The following NDNF variants were observed in gnomAD, a reference collection of about 807,000 sequenced individuals.
NDNF encodes the protein neuron derived neurotrophic factor.
A neutral mutation model predicts 42.0 loss-of-function variants in NDNF; 16 were observed. That is an observed-to-expected ratio of 0.38 (90% CI 0.26 to 0.58). The LOEUF (loss-of-function observed/expected upper bound fraction) is 0.58, where lower values mean the gene tolerates loss of function less well. NDNF is among the 20% of genes least tolerant of loss of function. NDNF has a pLI of 0.67. For missense variants in NDNF, 616 were observed against 666.2 expected, an observed-to-expected ratio of 0.92 and a Z score of 0.83; for synonymous variants, 248 against 251.7, an observed-to-expected ratio of 0.99 and a Z score of 0.14.
rs1579327274 is a variant in NDNF, at chr4:121,072,296, C to A, written c.-305G>T. ...GGGGCTGGGGAATCCCGGGGCAGCG[C>A]CGAGAAGCGGCGGGAGGTCCTTTTA... On this transcript the variant is annotated 5_prime_UTR_variant, in exon 1 of 4. Transcript: ENST00000379692. 1 of 151,800 alleles carries A rather than the reference C, an allele frequency of 6.6e-6. No individual in the cohort carries two copies. Among genetic ancestry groups the A allele is most frequent in the East Asian group, 2.0e-4 (1 of 5,122 alleles). The allele number at this position is 151,800 out of a possible 1,614,324, so 9.4% of individuals were successfully genotyped here.
In NDNF at chr4:121,036,110, A is replaced by G. The variant is rs534350474; in HGVS notation, c.*154T>C. On this transcript the variant is annotated 3_prime_UTR_variant, in exon 4 of 4. Coordinates refer to ENST00000379692, the MANE Select transcript of NDNF (RefSeq NM_024574.4). ...AACAAGTCTCCTTCAAGAGTTACTT[A>G]TATAAACATCAATATACACACGTTG... 1.0e-5 allele frequency: 7 copies of G among 675,800 alleles called. No individual in the cohort carries two copies. The South Asian group carries it at 1.4e-4, about 13-fold the overall frequency. The allele number at this position is 675,800 out of a possible 1,614,324, so 41.9% of individuals were successfully genotyped here. A position where few individuals can be genotyped will look rare whatever the true frequency, so the allele number is the denominator to read the frequency against.
intron 2 of NDNF, among the ~76,000 whole-genome samples, chr4:121,041,471 G>A (rs920597105): frequency 6.6e-6 from 1 of 152,112 alleles, no homozygotes; most frequent in Non-Finnish European, 1.5e-5. Flanking sequence ...TCTAATGTTG[G>A]GAGTGAACCA....
chr4:121,057,990 A>G (rs1727327030), intron 1 of NDNF, among the ~76,000 whole-genome samples: 1 of 152,180 alleles, frequency 6.6e-6, no homozygotes, highest in Non-Finnish European at 1.5e-5. Context: ...TTTGTTTCTT[A>G]TGTTACTTTC....
At chr4:121,067,836 T>G (rs1269626676) in intron 1 of NDNF, among the ~76,000 whole-genome samples, 1 of 152,250 alleles carries the variant, frequency 6.6e-6, no homozygotes, top group Non-Finnish European at 1.5e-5. Flanking sequence ...ATGTGTTTGT[T>G]GGTTTGCAGT....
At position 121,037,618 on chromosome 4, in the gene NDNF, A is replaced by G; in HGVS notation, c.353T>C (p.Ile118Thr). ...EPLEQQKQQI[I>T]NEEGTELFSY... is the part of the protein sequence containing the mutation. ...GAATAACTCAGTGCCTTCCTCATTAATGATCTGCTGCTTCTGCTGCTCAAG... is the reference window on the plus strand; with the variant it reads ...GAATAACTCAGTGCCTTCCTCATTAGTGATCTGCTGCTTCTGCTGCTCAAG... Residue 118 changes from isoleucine (I) to threonine (T), a missense_variant, in exon 4 of 4, where the codon ATT (isoleucine) becomes ACT (threonine). Coordinates refer to ENST00000379692, the MANE Select transcript of NDNF (RefSeq NM_024574.4). The G allele has an allele frequency of 1.9e-6, 3 of 1,600,688 alleles. No individual in the cohort carries two copies. The highest frequency in any genetic ancestry group is 2.5e-6 in the Non-Finnish European group (3 of 1,176,644).
chr4:121,047,803 C>A (rs1037965622), intron 1 of NDNF, among the ~76,000 whole-genome samples: 6 of 152,208 alleles, frequency 3.9e-5, no homozygotes, highest in Non-Finnish European at 8.8e-5. Context: ...ACCAGGCCTT[C>A]TTAAGTTGCC....
intron 1 of NDNF, among the ~76,000 whole-genome samples, chr4:121,048,048 C>T (rs966596977): frequency 1.3e-5 from 2 of 152,184 alleles, no homozygotes; most frequent in African/African-American, 4.8e-5. Context: ...CCCCTCTGCT[C>T]CTCTTTTGTT....
intron 1 of NDNF, among the ~76,000 whole-genome samples, chr4:121,062,438 T>G (rs991596067): frequency 9.9e-5 from 15 of 152,214 alleles, no homozygotes; most frequent in African/African-American, 3.6e-4. Context: ...GTTCCTGGGA[T>G]GTTCTGCATT....
chr4:121,068,895 C>T (rs1033404267), intron 1 of NDNF, among the ~76,000 whole-genome samples: 1 of 152,148 alleles, frequency 6.6e-6, no homozygotes, highest in African/African-American at 2.4e-5. Context: ...GCTCATCCAT[C>T]ATACCAAAAT....
rs141349109 is a variant in NDNF at position 121,071,224 on chromosome 4, T to C, written c.-2+769A>G. ...GACGAGGGCACGAAGCCGAGTCTCC[T>C]GGCTGGGGCCGTAGGGGGCGTCACC... On this transcript the variant is annotated intron_variant, in intron 1 of 3. Transcript: ENST00000379692. 6.2e-3 allele frequency among the ~76,000 whole-genome samples: 948 copies of C among 152,188 alleles called. 10 individuals carry two copies. The highest frequency in any genetic ancestry group is 0.021 in the African/African-American group (891 of 41,524).
rs562491987 is a variant in NDNF, at chr4:121,067,244, T to C, written c.-2+4749A>G. Among the ~76,000 whole-genome samples the C allele has an allele frequency of 1.1e-4, 16 of 152,270 alleles. No homozygotes were observed. The South Asian group carries it at 3.3e-3, about 32-fold the overall frequency. On this transcript the variant is annotated intron_variant, in intron 1 of 3. Transcript: ENST00000379692. ...ACGGCAAATTATTTTAAAAGAAGAATTAAAAGAGACATTTGATAAATTATA... is the reference window on the plus strand; with the variant it reads ...ACGGCAAATTATTTTAAAAGAAGAACTAAAAGAGACATTTGATAAATTATA...
At position 121,036,968 on chromosome 4, in the gene NDNF, T is replaced by C. The variant is rs1282565130; in HGVS notation, c.1003A>G (p.Lys335Glu). ...ACTGTCTTCTGTTTGGCTTCTTCCT[T>C]GGTCCTGGCAAAGGTACCTACATAA... The part of the protein sequence containing the change: ...TAYVGTFART[K>E]EEAKQKTVEL... Residue 335 changes from lysine (K) to glutamate (E), a missense_variant, in exon 4 of 4, where the codon AAG (lysine) becomes GAG (glutamate). Physicochemically the swap from Lys to Glu is moderately conservative, Grantham distance 56. Transcript: ENST00000379692. 1.2e-6 allele frequency: 2 copies of C among 1,614,012 alleles called. No homozygotes were observed. Among genetic ancestry groups the C allele is most frequent in the Admixed American group, 1.7e-5 (1 of 59,998 alleles).
chr4:121,067,191 A>T (rs894616126), intron 1 of NDNF, among the ~76,000 whole-genome samples: 2 of 152,218 alleles, frequency 1.3e-5, no homozygotes, highest in African/African-American at 2.4e-5. Flanking sequence ...TTATTCCTAA[A>T]AAAGTTTTTC....
At chr4:121,071,182 A>G (rs938796098) in intron 1 of NDNF, among the ~76,000 whole-genome samples, 6 of 152,134 alleles carry the variant, frequency 3.9e-5, no homozygotes, top group African/African-American at 1.4e-4. Context: ...AGCGAACCCC[A>G]ACTCACGCAC....
intron 3 of NDNF, among the ~76,000 whole-genome samples, chr4:121,039,157 G>GTATATATATATATA (rs1269461521): frequency 4.6e-4 from 3 of 6,454 alleles, no homozygotes; most frequent in Non-Finnish European, 1.7e-3. Flanking sequence ...ATATATATAT[G>GTATATATATATATA]TATATATATA....
At chr4:121,062,758 G>C (rs755412809) in intron 1 of NDNF, among the ~76,000 whole-genome samples, 5 of 152,012 alleles carry the variant, frequency 3.3e-5, no homozygotes, top group African/African-American at 1.2e-4. Flanking sequence ...GGAAAAGGCT[G>C]CAGCTGGTGA....
At position 121,036,967 on chromosome 4, in the gene NDNF, T is replaced by C; in HGVS notation, c.1004A>G (p.Lys335Arg). ...GACTGTCTTCTGTTTGGCTTCTTCC[T>C]TGGTCCTGGCAAAGGTACCTACATA... ...TAYVGTFARTKEEAKQKTVEL... is the reference protein window; with the variant it reads ...TAYVGTFARTREEAKQKTVEL... Residue 335 changes from lysine to arginine, a missense_variant, in exon 4 of 4, where the codon AAG becomes AGG. By Grantham distance (26) the Lys-to-Arg change is conservative. Coordinates refer to ENST00000379692, the MANE Select transcript of NDNF (RefSeq NM_024574.4). The C allele has an allele frequency of 6.2e-7, 1 of 1,614,020 alleles. No individual in the cohort carries two copies. Among genetic ancestry groups the C allele is most frequent in the Non-Finnish European group, 8.5e-7 (1 of 1,180,032 alleles).
intron 1 of NDNF, chr4:121,071,315 G>A (rs1727593684): frequency 6.6e-6 from 1 of 152,160 alleles, no homozygotes; most frequent in Non-Finnish European, 1.5e-5. Flanking sequence ...CTCAGCCCAA[G>A]GAAGTTTCTA....
rs375301313 is a variant in NDNF, at chr4:121,060,995, A to G, written c.-2+10998T>C. 4.7e-3 allele frequency among the ~76,000 whole-genome samples: 717 copies of G among 152,378 alleles called. 9 individuals are homozygous for G. The highest frequency in any genetic ancestry group is 0.016 in the African/African-American group (674 of 41,580). On this transcript the variant is annotated intron_variant, in intron 1 of 3. Coordinates refer to ENST00000379692, the MANE Select transcript of NDNF (RefSeq NM_024574.4). ...AGTAGATGTACCAGGGACCTTAAAG[A>G]GTTAAAAGGGTTAAACTCTTTCCAC...
Sources: gnomAD v4.1 joint callset for allele counts (sites outside exome capture counted in the v4.1 genomes callset) on GRCh38, gnomAD v4.1.1 for gene constraint, MANE v1.5 for transcripts, NCBI Gene and HGNC (gene_info 2026-07-23, HGNC 2026-07-21) for gene names.